SPAG1: variants seen among roughly 807,000 people sequenced by gnomAD.
The protein encoded by SPAG1 is sperm-associated antigen 1.
In SPAG1, 69 loss-of-function variants were observed where a neutral mutation model predicts 100.5. The observed-to-expected ratio is 0.69, with a 90% CI of 0.57 to 0.84. The LOEUF is 0.84. SPAG1 is among the 40% of genes least tolerant of loss of function. The pLI is 0.00. For synonymous variants in SPAG1, 336 were observed against 411.6 expected, an observed-to-expected ratio of 0.82 and a Z score of 2.22; for missense variants, 955 against 1,133.1, an observed-to-expected ratio of 0.84 and a Z score of 2.26.
intron 14 of SPAG1, among the ~76,000 whole-genome samples, chr8:100,228,121 G>A (rs1278655542): frequency 6.6e-6 from 1 of 152,100 alleles, no homozygotes; most frequent in Non-Finnish European, 1.5e-5. Context: ...TGGGCTAACA[G>A]GTGTGAGTAG....
At position 100,174,457 on chromosome 8, in the gene SPAG1, G is replaced by A. The variant is rs1240861292; in HGVS notation, c.301-3359G>A. ...CTCAAGGGTAGCAGAGATGGAAGAG[G>A]TGGAGGAGATGAAAGGAGAGGCAGG... On this transcript the variant is annotated intron_variant, in intron 3 of 18. Coordinates refer to ENST00000388798, the MANE Select transcript of SPAG1 (RefSeq NM_003114.5). Among the ~76,000 whole-genome samples the A allele has an allele frequency of 3.9e-5, 6 of 152,268 alleles. No homozygotes were observed. The East Asian group carries it at 7.7e-4, about 20-fold the overall frequency.
At chr8:100,185,577 G>C (rs1816550055) in intron 7 of SPAG1, among the ~76,000 whole-genome samples, 1 of 152,160 alleles carries the variant, frequency 6.6e-6, no homozygotes, top group African/African-American at 2.4e-5. Flanking sequence ...AAAGTACCTG[G>C]TTCATAGTAG....
At chr8:100,183,873 G>A in intron 5 of SPAG1, 83 bp from the exon 6 acceptor site, 1 of 683,870 alleles carries the variant, frequency 1.5e-6, no homozygotes, top group Non-Finnish European at 2.5e-6. Flanking sequence ...AGGCATACTT[G>A]TACAAATATA....
At chr8:100,207,319 C>T (rs533542327) in intron 10 of SPAG1, among the ~76,000 whole-genome samples, 38 of 152,306 alleles carry the variant, frequency 2.5e-4, no homozygotes, top group Middle Eastern at 3.4e-3. Context: ...CCCATGGTCT[C>T]CACTCCTGCC....
In SPAG1 at chr8:100,240,624, A is replaced by C; in HGVS notation, c.2502A>C (p.Pro834=). 1 of 1,614,178 alleles carries C rather than the reference A, an allele frequency of 6.2e-7. No individual in the cohort carries two copies. Among genetic ancestry groups the C allele is most frequent in the Non-Finnish European group, 8.5e-7 (1 of 1,180,008 alleles). Residue 834 remains proline (P), a synonymous_variant, in exon 18 of 19, where the codon CCA becomes CCC. Transcript: ENST00000388798. ...CACATCTTTTAGCCATCACTGCACC[A>C]AAAGATTTGCCGATGTTTTTAAGTA... ...ACAHLLAITA[P]KDLPMFLSNK...
At chr8:100,227,647 A>C (rs1282136315) in intron 14 of SPAG1, among the ~76,000 whole-genome samples, 3 of 152,184 alleles carry the variant, frequency 2.0e-5, no homozygotes, top group Non-Finnish European at 4.4e-5. Context: ...CCATAGCACA[A>C]GTATAATCAG....
At chr8:100,179,709 T>TA in intron 4 of SPAG1, among the ~76,000 whole-genome samples, 1 of 152,340 alleles carries the variant, frequency 6.6e-6, no homozygotes, top group Non-Finnish European at 1.5e-5. Context: ...CAATTTTACT[T>TA]AAAAATACCT....
intron 10 of SPAG1, among the ~76,000 whole-genome samples, chr8:100,206,437 A>G (rs879499313): frequency 6.6e-6 from 1 of 152,220 alleles, no homozygotes; most frequent in Non-Finnish European, 1.5e-5. Flanking sequence ...TGCTTTGGCA[A>G]GATATCACAC....
At chr8:100,169,297 C>T (rs1443016417) in intron 3 of SPAG1, among the ~76,000 whole-genome samples, 2 of 152,194 alleles carry the variant, frequency 1.3e-5, no homozygotes, top group South Asian at 2.1e-4. Context: ...CGCATGCCTA[C>T]AGTCCCAGTT....
chr8:100,176,820 T>TCTCCTCTCCTCTCCC (rs1816142551), intron 3 of SPAG1, among the ~76,000 whole-genome samples: 2 of 147,056 alleles, frequency 1.4e-5, no homozygotes, highest in East Asian at 2.1e-4. Context: ...TCTCCTCTCC[T>TCTCCTCTCCTCTCCC]CTCCTCTCCT....
chr8:100,234,889 G>A (rs1271935115), intron 16 of SPAG1, among the ~76,000 whole-genome samples: 5 of 152,154 alleles, frequency 3.3e-5, no homozygotes, highest in Admixed American at 2.6e-4. Flanking sequence ...TGGTGTAATG[G>A]ATCAGATTTG....
rs563096148 is a variant in SPAG1 at position 100,208,929 on chromosome 8, G to A, written c.1097-4161G>A. On this transcript the variant is annotated intron_variant, in intron 10 of 18. Coordinates refer to ENST00000388798, the MANE Select transcript of SPAG1 (RefSeq NM_003114.5). ...AGGGGTGGTTGAAATGGTTAATACT[G>A]AGTGTCAACTTGATTGGATTGAAGG... Among the ~76,000 whole-genome samples, 12 of 152,222 alleles carry A rather than the reference G, an allele frequency of 7.9e-5. No homozygotes were observed. In the South Asian group the frequency reaches 2.5e-3, roughly 32 times the overall value.
chr8:100,207,328 C>T (rs1335016137), intron 10 of SPAG1, among the ~76,000 whole-genome samples: 1 of 152,192 alleles, frequency 6.6e-6, no homozygotes, highest in African/African-American at 2.4e-5. Flanking sequence ...TCCACTCCTG[C>T]CACCTTGCCT....
intron 2 of SPAG1, 129 bp from the exon 3 acceptor site, chr8:100,165,685 A>G (rs766632672): frequency 2.8e-5 from 18 of 637,376 alleles, no homozygotes; most frequent in Non-Finnish European, 4.9e-5. Flanking sequence ...GGTTAAGGAA[A>G]GAGACTGGGA....
chr8:100,158,286 G>C (rs747149246), upstream of SPAG1: 11 of 152,328 alleles, frequency 7.2e-5, no homozygotes, highest in Non-Finnish European at 1.6e-4. Flanking sequence ...GGAACACGCG[G>C]GGCTTTCCAG....
At chr8:100,237,325 C>T (rs1052316918) in intron 16 of SPAG1, among the ~76,000 whole-genome samples, 2 of 152,148 alleles carry the variant, frequency 1.3e-5, no homozygotes, top group Admixed American at 1.3e-4. Context: ...AGGTGATCCA[C>T]CCACCTTGGC....
intron 10 of SPAG1, among the ~76,000 whole-genome samples, chr8:100,205,552 G>T (rs1030241671): frequency 2.6e-5 from 4 of 152,174 alleles, no homozygotes; most frequent in Admixed American, 6.5e-5. Context: ...GCAGCTGGCA[G>T]AACCCCCACA....
At chr8:100,230,918 G>T (rs763321662) in intron 14 of SPAG1, among the ~76,000 whole-genome samples, 90 of 151,934 alleles carry the variant, frequency 5.9e-4, no homozygotes, top group Non-Finnish European at 1.0e-3. Context: ...ACTGCACCCG[G>T]CACTTGTATC....
At chr8:100,211,956 G>A (rs987263112) in intron 10 of SPAG1, among the ~76,000 whole-genome samples, 10 of 152,186 alleles carry the variant, frequency 6.6e-5, no homozygotes, top group African/African-American at 2.4e-4. Context: ...CCCAGTTTCT[G>A]GTGGAGAACC....
Sources: allele counts gnomAD v4.1 joint callset (sites outside exome capture counted in the v4.1 genomes callset), GRCh38; gene constraint gnomAD v4.1.1; transcripts MANE v1.5; gene names NCBI Gene and HGNC (gene_info 2026-07-23, HGNC 2026-07-21).